MORC3: variants seen among roughly 807,000 people sequenced by gnomAD.
The protein encoded by MORC3 is MORC family CW-type zinc finger 3.
In MORC3, 31 loss-of-function variants were observed where a neutral mutation model predicts 109.1. The observed-to-expected ratio is 0.28, with a 90% CI of 0.21 to 0.38. MORC3 has a LOEUF of 0.38. MORC3 is among the 10% of genes least tolerant of loss of function. The pLI is 1.00. For synonymous variants in MORC3, 395 were observed against 380.7 expected (o/e 1.04, Z -0.44); for missense variants, 867 against 1,135.8 (o/e 0.76, Z 3.40).
At chr21:36,369,954 C>G in intron 15 of MORC3, 78 bp downstream of exon 15, 1 of 1,518,838 alleles carries the variant, frequency 6.6e-7, no homozygotes, top group Non-Finnish European at 8.9e-7. Flanking sequence ...TGGCTGGGCG[C>G]GGTGGCTCAT....
chr21:36,367,593 T>C (rs1210769261), intron 14 of MORC3, among the ~76,000 whole-genome samples: 1 of 152,190 alleles, frequency 6.6e-6, no homozygotes. Context: ...AGTTTCAGAA[T>C]GGGACGTAGG....
rs780525176 is a variant in MORC3, at chr21:36,364,203, G to A, written c.1563G>A (p.Ala521=). 3.7e-6 allele frequency: 6 copies of A among 1,614,106 alleles called. No homozygotes were observed. The highest frequency in any genetic ancestry group is 2.2e-5 in the East Asian group (1 of 44,878). The change falls in exon 14 of 17, where the codon GCG becomes GCA. Residue 521 remains alanine (A), a synonymous_variant. Coordinates refer to ENST00000400485, the MANE Select transcript of MORC3 (RefSeq NM_015358.3). ...TTTCAGAAGGAACAAATTCTTATGC[G>A]ACAAGACTTCTAAATAATCATCAAG... ...RHLSEGTNSY[A]TRLLNNHQVP...
intron 9 of MORC3, among the ~76,000 whole-genome samples, chr21:36,355,273 C>T (rs1315552754): frequency 6.6e-6 from 1 of 152,066 alleles, no homozygotes; most frequent in East Asian, 1.9e-4. Flanking sequence ...GTATTGAAGT[C>T]ATGGGGTTAT....
intron 1 of MORC3, among the ~76,000 whole-genome samples, chr21:36,322,602 C>T (rs1272982079): frequency 6.6e-6 from 1 of 152,160 alleles, no homozygotes; most frequent in Non-Finnish European, 1.5e-5. Flanking sequence ...AAATTCCCAA[C>T]CTCAGGTGAT....
At chr21:36,351,213 A>G (rs990775431) in intron 9 of MORC3, among the ~76,000 whole-genome samples, 1 of 151,754 alleles carries the variant, frequency 6.6e-6, no homozygotes, top group African/African-American at 2.4e-5. Context: ...GACTACAGGC[A>G]TGCACCACCA....
chr21:36,327,826 C>G (rs905706109), intron 1 of MORC3, among the ~76,000 whole-genome samples: 9 of 151,290 alleles, frequency 5.9e-5, no homozygotes, highest in Non-Finnish European at 1.2e-4. Context: ...GATTTTTAGT[C>G]TGTTTTTGGA....
chr21:36,334,724 G>C (rs1041417523), intron 2 of MORC3, among the ~76,000 whole-genome samples: 9 of 152,174 alleles, frequency 5.9e-5, no homozygotes, highest in Non-Finnish European at 1.0e-4. Context: ...TTCAATAAAT[G>C]GGAAGTTTAA....
intron 9 of MORC3, among the ~76,000 whole-genome samples, chr21:36,354,315 C>CT: frequency 9.4e-6 from 1 of 106,342 alleles, no homozygotes; most frequent in African/African-American, 3.3e-5. Context: ...TTCTTTCTTT[C>CT]TTTCTTTCTT....
At chr21:36,355,746 G>A (rs530429477) in intron 9 of MORC3, among the ~76,000 whole-genome samples, 1 of 151,094 alleles carries the variant, frequency 6.6e-6, no homozygotes, top group South Asian at 2.1e-4. Context: ...CCAGGAGTTC[G>A]AGAGCAGCCT....
At chr21:36,349,475 ACTC>A in intron 9 of MORC3, 67 bp downstream of exon 9, 1 of 1,036,706 alleles carries the variant, frequency 9.6e-7, no homozygotes, top group Non-Finnish European at 1.4e-6. Context: ...AGCAGGAACT[ACTC>A]TATTTTCTGT....
intron 15 of MORC3, among the ~76,000 whole-genome samples, chr21:36,370,635 ATATATTTTTTTTTTTTTTTTTTT>A (rs1343558450): frequency 2.4e-4 from 10 of 42,004 alleles, no homozygotes; most frequent in African/African-American, 3.6e-4. Flanking sequence ...ATATATATAT[ATATATTTTTTTTTTTTTTTTTTT>A]TTTTTTTTTT....
chr21:36,337,536 C>G (rs1455256956), intron 3 of MORC3, among the ~76,000 whole-genome samples, 196 bp from the exon 4 acceptor site: 1 of 151,872 alleles, frequency 6.6e-6, no homozygotes, highest in Non-Finnish European at 1.5e-5. Flanking sequence ...CTGCCCGATA[C>G]ATAAAAAATC....
At chr21:36,373,007 T>C (rs2085887253) in intron 16 of MORC3, among the ~76,000 whole-genome samples, 1 of 152,158 alleles carries the variant, frequency 6.6e-6, no homozygotes, top group Non-Finnish European at 1.5e-5. Flanking sequence ...TATTAAAAAT[T>C]GCCATAGTAC....
At chr21:36,361,097 A>G (rs547889338) in intron 12 of MORC3, among the ~76,000 whole-genome samples, 2 of 151,830 alleles carry the variant, frequency 1.3e-5, no homozygotes, top group African/African-American at 4.8e-5. Flanking sequence ...AGATAGTGGA[A>G]GTGGGACAGA....
At chr21:36,359,814 C>G in intron 10 of MORC3, 141 bp from the exon 11 acceptor site, 1 of 1,242,958 alleles carries the variant, frequency 8.0e-7, no homozygotes, top group Non-Finnish European at 1.1e-6. Context: ...CGCACCCAGC[C>G]TAATTTTGAA....
At chr21:36,328,851 G>T (rs1569087931) in intron 1 of MORC3, among the ~76,000 whole-genome samples, 1 of 146,024 alleles carries the variant, frequency 6.8e-6, no homozygotes, top group Non-Finnish European at 1.5e-5. Context: ...CACATTGGAA[G>T]AAGAATTGTC....
chr21:36,323,285 A>C (rs1002740837), intron 1 of MORC3, among the ~76,000 whole-genome samples: 21 of 152,288 alleles, frequency 1.4e-4, no homozygotes, highest in African/African-American at 5.1e-4. Context: ...CTCGGGTTCA[A>C]ATCCTGACTC....
chr21:36,344,557 T>G (rs1218568434), intron 6 of MORC3, 22 bp from the exon 7 acceptor site: 1 of 1,609,246 alleles, frequency 6.2e-7, no homozygotes, highest in African/African-American at 1.3e-5. Flanking sequence ...AGATACTAAC[T>G]TCTTGTTATG....
chr21:36,335,591 C>T (rs1179588199), intron 2 of MORC3, among the ~76,000 whole-genome samples: 1 of 152,172 alleles, frequency 6.6e-6, no homozygotes, highest in Non-Finnish European at 1.5e-5. Flanking sequence ...GCTGGGATTA[C>T]AGGCATGAGC....
Sources: allele counts gnomAD v4.1 joint callset (sites outside exome capture counted in the v4.1 genomes callset), GRCh38; gene constraint gnomAD v4.1.1; transcripts MANE v1.5; gene names NCBI Gene and HGNC (gene_info 2026-07-23, HGNC 2026-07-21).